The following CDH8 variants were observed in gnomAD, a reference collection of about 807,000 sequenced individuals.
CDH8 encodes the protein cadherin-8.
Under a neutral mutation model 68.1 loss-of-function variants are expected in CDH8, and 17 were observed. That is an observed-to-expected ratio of 0.25 (90% CI 0.17 to 0.37). CDH8 has a LOEUF of 0.37. Ranked by LOEUF, CDH8 falls within the 10% of genes least tolerant of loss-of-function variation. The probability of loss-of-function intolerance (pLI) is 1.00; values close to 1 mark genes in which losing one functional copy is unlikely to be tolerated. For missense variants in CDH8, 763 were observed against 999.3 expected (o/e 0.76, Z 3.19); for synonymous variants, 372 against 365.1 (o/e 1.02, Z -0.21).
At chr16:61,839,667 C>T (rs1020652431) in intron 4 of CDH8, among the ~76,000 whole-genome samples, 5 of 152,086 alleles carry the variant, frequency 3.3e-5, no homozygotes, top group Non-Finnish European at 5.9e-5. Context: ...TCTCATCTTC[C>T]ACCTTCCTTA....
chr16:61,936,110 A>T (rs528401689), intron 2 of CDH8, among the ~76,000 whole-genome samples: 1 of 152,322 alleles, frequency 6.6e-6, no homozygotes, highest in East Asian at 1.9e-4. Context: ...TATAAATGTA[A>T]GAATTCAATA....
chr16:61,667,563 C>A (rs1403017775), intron 10 of CDH8: 1 of 151,918 alleles, frequency 6.6e-6, no homozygotes, highest in African/African-American at 2.4e-5. Flanking sequence ...CAGGAGTCAT[C>A]AAGTGATCTA....
chr16:61,915,165 T>C (rs1345045761), intron 2 of CDH8, among the ~76,000 whole-genome samples: 1 of 152,180 alleles, frequency 6.6e-6, no homozygotes, highest in African/African-American at 2.4e-5. Context: ...CTAGCTCAAA[T>C]AGCCTGTGAA....
chr16:61,704,694 A>C (rs1463538631), intron 10 of CDH8, among the ~76,000 whole-genome samples: 8 of 152,316 alleles, frequency 5.3e-5, no homozygotes, highest in South Asian at 2.1e-4. Context: ...AGCCTTGTCC[A>C]AAGTCACTTC....
Position 61,647,996 on chromosome 16 carries a change from G to A in CDH8, c.*5612C>T. 2 of 610,096 alleles carry A rather than the reference G, an allele frequency of 3.3e-6. No individual in the cohort carries two copies. Among genetic ancestry groups the A allele is most frequent in the Non-Finnish European group, 2.9e-6 (1 of 340,252 alleles). The allele number at this position is 610,096 out of a possible 1,614,324, so 37.8% of individuals were successfully genotyped here. ...GATGGTGGCAGGTAACTCAAGTTGGGGAAATAGTACCCAAAGGCACTATTT... is the reference window on the plus strand; with the variant it reads ...GATGGTGGCAGGTAACTCAAGTTGGAGAAATAGTACCCAAAGGCACTATTT... On this transcript the variant is annotated 3_prime_UTR_variant, in exon 12 of 12. Transcript: ENST00000577390.
intron 10 of CDH8, among the ~76,000 whole-genome samples, chr16:61,687,060 TTTAAAA>T (rs1260662934): frequency 1.3e-5 from 2 of 151,968 alleles, no homozygotes; most frequent in African/African-American, 4.8e-5. Flanking sequence ...TACTGTAAAC[TTTAAAA>T]TTATGTTGAT....
intron 8 of CDH8, among the ~76,000 whole-genome samples, chr16:61,733,179 T>C (rs888052367): frequency 6.6e-6 from 1 of 151,830 alleles, no homozygotes; most frequent in African/African-American, 2.4e-5. Context: ...TATATCTCAC[T>C]TGAATTAAGA....
chr16:61,839,716 A>G (rs1177567574), intron 4 of CDH8, among the ~76,000 whole-genome samples: 2 of 152,092 alleles, frequency 1.3e-5, no homozygotes, highest in African/African-American at 4.8e-5. Context: ...ATGTGATTCC[A>G]ATTAAAGCCA....
intron 3 of CDH8, among the ~76,000 whole-genome samples, chr16:61,880,220 G>A (rs1828341): frequency 5.3e-5 from 8 of 152,178 alleles, no homozygotes; most frequent in Admixed American, 3.3e-4. Flanking sequence ...CACCGTGCCC[G>A]GCCATATAAT....
chr16:62,025,527 C>A (rs1301491055), intron 1 of CDH8, among the ~76,000 whole-genome samples: 1 of 152,054 alleles, frequency 6.6e-6, no homozygotes, highest in Non-Finnish European at 1.5e-5. Flanking sequence ...AATGGTATAG[C>A]CCCGGGGAGA....
At chr16:61,903,464 C>CA (rs1455446639) in intron 2 of CDH8, among the ~76,000 whole-genome samples, 3 of 152,194 alleles carry the variant, frequency 2.0e-5, no homozygotes, top group African/African-American at 7.2e-5. Flanking sequence ...GCTGGGATTA[C>CA]AGGCGCCCGC....
In CDH8 at chr16:61,653,007, A is replaced by T. The variant is rs1198543635; in HGVS notation, c.*601T>A. On this transcript the variant is annotated 3_prime_UTR_variant, in exon 12 of 12. Coordinates refer to ENST00000577390, the MANE Select transcript of CDH8 (RefSeq NM_001796.5). ...TGTGAATATTTTAAGGCTCGACACA[A>T]TATTTAAAGATGCTATTCAGTCTCT... is the stretch of plus-strand genomic sequence containing the variant. The T allele has an allele frequency of 6.9e-7, 1 of 1,452,444 alleles. No individual in the cohort carries two copies. The highest frequency in any genetic ancestry group is 2.4e-5 in the Admixed American group (1 of 41,226). 90.0% of individuals were successfully genotyped at this position (1,452,444 alleles called of 1,614,324 possible). A position where few individuals can be genotyped will look rare whatever the true frequency, so the allele number is the denominator to read the frequency against.
chr16:61,779,069 C>A (rs1960972610), intron 8 of CDH8, among the ~76,000 whole-genome samples: 2 of 152,222 alleles, frequency 1.3e-5, no homozygotes, highest in South Asian at 2.1e-4. Context: ...ATTTAACGGG[C>A]AATTATATGC....
chr16:61,784,247 C>T (rs1231525022), intron 8 of CDH8, among the ~76,000 whole-genome samples: 1 of 151,702 alleles, frequency 6.6e-6, no homozygotes, highest in Non-Finnish European at 1.5e-5. Flanking sequence ...GGAAGATCTA[C>T]CAAGCAAATG....
intron 2 of CDH8, among the ~76,000 whole-genome samples, chr16:61,962,709 A>G (rs1431205139): frequency 6.6e-6 from 1 of 152,194 alleles, no homozygotes; most frequent in Non-Finnish European, 1.5e-5. Flanking sequence ...AAACGGAACA[A>G]AAGTATAAAA....
chr16:61,788,431 C>G (rs1210448858), intron 8 of CDH8, among the ~76,000 whole-genome samples: 1 of 152,044 alleles, frequency 6.6e-6, no homozygotes, highest in Non-Finnish European at 1.5e-5. Context: ...TTTACCTCAA[C>G]TCTCTTGGAA....
intron 2 of CDH8, among the ~76,000 whole-genome samples, chr16:61,988,908 C>T (rs1007120742): frequency 3.3e-5 from 5 of 152,222 alleles, no homozygotes; most frequent in Middle Eastern, 3.4e-3. Flanking sequence ...TATTCACACA[C>T]GAGATCACTG....
intron 2 of CDH8, among the ~76,000 whole-genome samples, chr16:62,014,591 A>G (rs1274652333): frequency 1.3e-5 from 2 of 152,202 alleles, no homozygotes; most frequent in Non-Finnish European, 2.9e-5. Context: ...CCCGTCGCAG[A>G]CACCGTAAAC....
At chr16:61,841,368 T>C (rs1962679825) in intron 4 of CDH8, among the ~76,000 whole-genome samples, 1 of 152,174 alleles carries the variant, frequency 6.6e-6, no homozygotes, top group Non-Finnish European at 1.5e-5. Context: ...GATCCTGTCA[T>C]TGGCAACAAC....
Sources: gnomAD v4.1 joint callset for allele counts (sites outside exome capture counted in the v4.1 genomes callset) on GRCh38, gnomAD v4.1.1 for gene constraint, MANE v1.5 for transcripts, NCBI Gene and HGNC (gene_info 2026-07-23, HGNC 2026-07-21) for gene names.